Variants in GRM5 observed in about 807,000 individuals in gnomAD.
The protein encoded by GRM5 is metabotropic glutamate receptor 5.
A neutral mutation model predicts 83.1 loss-of-function variants in GRM5; 19 were observed. That is an observed-to-expected ratio of 0.23 (90% CI 0.16 to 0.34). GRM5 has a LOEUF of 0.34. Among genes scored for constraint, GRM5 ranks in the 10% least tolerant of loss-of-function variants. The pLI is 1.00. For synonymous variants in GRM5, 675 were observed against 633.6 expected, an observed-to-expected ratio of 1.07 and a Z score of -0.98; for missense variants, 1,160 against 1,588.3, an observed-to-expected ratio of 0.73 and a Z score of 4.58.
intron 2 of GRM5, among the ~76,000 whole-genome samples, chr11:88,927,091 A>T (rs1945803341): frequency 6.6e-6 from 1 of 152,166 alleles, no homozygotes; most frequent in Admixed American, 6.6e-5. Flanking sequence ...CAGCCTCATG[A>T]CATCTTAAAT....
chr11:88,911,966 T>C (rs1224856799), intron 2 of GRM5: 1 of 453,366 alleles, frequency 2.2e-6, no homozygotes, highest in East Asian at 7.0e-5. Context: ...AAATTTTTTA[T>C]TGTCTTAATA....
At chr11:88,973,903 A>C (rs1939244670) in intron 2 of GRM5, among the ~76,000 whole-genome samples, 1 of 152,150 alleles carries the variant, frequency 6.6e-6, no homozygotes, top group African/African-American at 2.4e-5. Context: ...TGCTTTTAAG[A>C]ATTTAAAAAT....
intron 3 of GRM5, among the ~76,000 whole-genome samples, chr11:88,750,571 T>C (rs567254752): frequency 6.6e-6 from 1 of 152,282 alleles, no homozygotes; most frequent in East Asian, 1.9e-4. Context: ...AACTTAGCTC[T>C]GGATCAAGTG....
intron 1 of GRM5, among the ~76,000 whole-genome samples, chr11:89,065,335 C>A (rs1410375630): frequency 6.6e-6 from 1 of 150,898 alleles, no homozygotes; most frequent in Non-Finnish European, 1.5e-5. Flanking sequence ...GAGAGAGAGA[C>A]AGACACACAG....
chr11:88,754,856 C>A (rs1285191135), intron 3 of GRM5, among the ~76,000 whole-genome samples: 1 of 152,120 alleles, frequency 6.6e-6, no homozygotes, highest in Non-Finnish European at 1.5e-5. Context: ...TGGGGTTGGT[C>A]TGTTCTCCAA....
chr11:88,904,592 G>A (rs1402641288), intron 2 of GRM5, among the ~76,000 whole-genome samples: 1 of 151,978 alleles, frequency 6.6e-6, no homozygotes, highest in Non-Finnish European at 1.5e-5. Context: ...TTCTTTTTCG[G>A]TGGAATCCCA....
intron 8 of GRM5, among the ~76,000 whole-genome samples, chr11:88,558,618 A>C (rs1050573435): frequency 1.3e-5 from 2 of 151,930 alleles, no homozygotes; most frequent in African/African-American, 2.4e-5. Flanking sequence ...CCTGGACAAC[A>C]TGGTGAAACC....
chr11:88,748,910 A>G (rs1392485005), intron 3 of GRM5, among the ~76,000 whole-genome samples: 1 of 152,154 alleles, frequency 6.6e-6, no homozygotes, highest in African/African-American at 2.4e-5. Context: ...AATAACATCA[A>G]CAGAGAAACC....
chr11:89,062,404 C>T (rs1477197593), intron 1 of GRM5, among the ~76,000 whole-genome samples: 1 of 152,218 alleles, frequency 6.6e-6, no homozygotes, highest in Non-Finnish European at 1.5e-5. Context: ...GCACCTTTGG[C>T]TGCTTCAAAT....
rs905241494 is a variant in GRM5, at chr11:88,928,973, G to A, written c.662-78818C>T. ...AAGAGTTTATTTCTTTGGTACTTTG[G>A]CTGCTGAATATGAGATTTAGTTTTA... is the stretch of plus-strand genomic sequence containing the variant. On this transcript the variant is annotated intron_variant, in intron 2 of 9. Coordinates refer to ENST00000305447, the MANE Select transcript of GRM5 (RefSeq NM_001143831.3). 2.7e-5 allele frequency among the ~76,000 whole-genome samples: 4 copies of A among 149,364 alleles called. No homozygotes were observed. The Admixed American group carries it at 2.7e-4, about 10-fold the overall frequency.
chr11:88,912,104 T>C (rs1353139343), intron 2 of GRM5: 1 of 442,482 alleles, frequency 2.3e-6, no homozygotes, highest in South Asian at 1.7e-5. Flanking sequence ...CTTCCTAAAA[T>C]GACCAAATGA....
chr11:88,560,878 A>C lies in GRM5; in HGVS notation c.2630+6175T>G, dbSNP rs148244637. ...GTCCTCAGTCAATGTCTGTGAATAA[A>C]TAACAAGTGAAGAAAGGGAGAGTGA... is the stretch of plus-strand genomic sequence containing the variant. On this transcript the variant is annotated intron_variant, in intron 8 of 9. Transcript: ENST00000305447. Among the ~76,000 whole-genome samples, 285 of 152,338 alleles carry C rather than the reference A, an allele frequency of 1.9e-3. 1 individual carries two copies. The highest frequency in any genetic ancestry group is 3.2e-3 in the Non-Finnish European group (216 of 68,030).
intron 2 of GRM5, among the ~76,000 whole-genome samples, chr11:88,925,405 T>C (rs1945772156): frequency 1.3e-5 from 2 of 152,120 alleles, no homozygotes; most frequent in African/African-American, 2.4e-5. Flanking sequence ...TGTACTATGC[T>C]TGGCCCCATT....
chr11:88,926,192 A>G (rs1232940975), intron 2 of GRM5, among the ~76,000 whole-genome samples: 1 of 152,170 alleles, frequency 6.6e-6, no homozygotes, highest in Non-Finnish European at 1.5e-5. Context: ...GGTCACAAGC[A>G]GCAGTCTGCA....
intron 3 of GRM5, among the ~76,000 whole-genome samples, chr11:88,730,031 G>A (rs548830436): frequency 6.6e-6 from 1 of 152,208 alleles, no homozygotes; most frequent in South Asian, 2.1e-4. Context: ...TTGACAAATG[G>A]GATCTAATTA....
intron 9 of GRM5, chr11:88,524,170 C>T (rs1941788679): frequency 6.9e-6 from 1 of 145,900 alleles, no homozygotes; most frequent in Non-Finnish European, 1.5e-5. Flanking sequence ...TCTCCAGGGC[C>T]CTTTTCTTTT....
intron 2 of GRM5, among the ~76,000 whole-genome samples, chr11:89,009,954 C>A (rs2135087737): frequency 1.0e-5 from 1 of 100,266 alleles, no homozygotes; most frequent in Non-Finnish European, 2.1e-5. Flanking sequence ...AAAATGTTTA[C>A]AATTGTAATA....
chr11:89,035,435 A>T (rs1447013274), intron 2 of GRM5, among the ~76,000 whole-genome samples: 1 of 151,948 alleles, frequency 6.6e-6, no homozygotes, highest in African/African-American at 2.4e-5. Flanking sequence ...TGAAATCCTA[A>T]CCCAAATCTA....
At chr11:89,012,883 C>T (rs1044485772) in intron 2 of GRM5, among the ~76,000 whole-genome samples, 2 of 152,224 alleles carry the variant, frequency 1.3e-5, no homozygotes, top group African/African-American at 4.8e-5. Flanking sequence ...CTATTATTAG[C>T]TATAGCACAG....
Sources: gnomAD v4.1 joint callset for allele counts (sites outside exome capture counted in the v4.1 genomes callset) on GRCh38, gnomAD v4.1.1 for gene constraint, MANE v1.5 for transcripts, NCBI Gene and HGNC (gene_info 2026-07-23, HGNC 2026-07-21) for gene names.